Variants in ZFHX3 observed in about 807,000 individuals in gnomAD.
ZFHX3 encodes zinc finger homeobox protein 3.
In ZFHX3, 42 loss-of-function variants were observed where a neutral mutation model predicts 279.1. That is an observed-to-expected ratio of 0.15 (90% confidence interval 0.12 to 0.19). The LOEUF (loss-of-function observed/expected upper bound fraction) is 0.19, where lower values mean the gene tolerates loss of function less well. ZFHX3 is among the 10% of genes least tolerant of loss of function. ZFHX3 has a pLI of 1.00. For synonymous variants in ZFHX3, 2,293 were observed against 1,957.8 expected (o/e 1.17, Z -4.52); for missense variants, 4,981 against 4,754.0 (o/e 1.05, Z -1.40).
chr16:73,011,031 G>A (rs1963895089), intron 1 of ZFHX3, among the ~76,000 whole-genome samples: 1 of 152,090 alleles, frequency 6.6e-6, no homozygotes, highest in Non-Finnish European at 1.5e-5. Context: ...GGCTGGACTG[G>A]AGTACAGTGG....
intron 1 of ZFHX3, among the ~76,000 whole-genome samples, chr16:73,838,743 C>T (rs1193867797): frequency 2.7e-5 from 4 of 148,650 alleles, no homozygotes; most frequent in Non-Finnish European, 4.4e-5. Context: ...TGTGTGTGTG[C>T]GCACATGCGT....
Position 72,811,721 on chromosome 16 carries a change from C to T in ZFHX3, c.3720G>A (p.Val1240=), listed in dbSNP as rs1476712864. 3 of 1,613,968 alleles carry T rather than the reference C, an allele frequency of 1.9e-6. No individual in the cohort carries two copies. The highest frequency in any genetic ancestry group is 2.7e-5 in the African/African-American group (2 of 74,944). The change falls in exon 7 of 10, where the codon GTG becomes GTA. Residue 1240 remains valine, a synonymous_variant. Coordinates refer to ENST00000268489, the MANE Select transcript of ZFHX3 (RefSeq NM_006885.4). ...YSNADVNRLR[V]HAMTQHSVQP... is the part of the protein sequence containing the mutation. ...GCACCGAGTGCTGCGTCATGGCATG[C>T]ACCCGGAGCCGGTTGACATCGGCAT...
intron 5 of ZFHX3, among the ~76,000 whole-genome samples, chr16:73,155,747 C>G (rs1967063674): frequency 6.6e-6 from 1 of 151,966 alleles, no homozygotes; most frequent in South Asian, 2.1e-4. Flanking sequence ...CGCTTGAACC[C>G]AGGAGGCGGA....
chr16:73,606,312 A>G (rs539186430), intron 2 of ZFHX3, among the ~76,000 whole-genome samples: 2 of 150,906 alleles, frequency 1.3e-5, no homozygotes, highest in African/African-American at 4.9e-5. Flanking sequence ...GTCCGAGACC[A>G]GCCTAAAATA....
In ZFHX3 at chr16:73,354,376, C is replaced by A. The variant is rs376832790; in HGVS notation, c.-1290-36040G>T. On this transcript the variant is annotated intron_variant, in intron 3 of 17. Transcript: ENST00000641206. ...CAGATTCTCAGTGCATCTGTATAGA[C>A]GCCAACAGGATCCAAATTCTTAACT... 3.9e-5 allele frequency among the ~76,000 whole-genome samples: 6 copies of A among 152,268 alleles called. No homozygotes were observed. The South Asian group carries it at 1.2e-3, about 32-fold the overall frequency.
intron 1 of ZFHX3, among the ~76,000 whole-genome samples, chr16:73,006,457 C>G (rs183992629): frequency 6.6e-6 from 1 of 151,658 alleles, no homozygotes; most frequent in Non-Finnish European, 1.5e-5. Flanking sequence ...ACCCCAATCT[C>G]TATGAAAAAA....
intron 7 of ZFHX3, among the ~76,000 whole-genome samples, chr16:73,117,087 A>G (rs964935519): frequency 6.6e-6 from 1 of 152,228 alleles, no homozygotes; most frequent in African/African-American, 2.4e-5. Flanking sequence ...GCCTGAACTA[A>G]AGGTAGTGCT....
chr16:73,371,305 T>C (rs955558912), intron 3 of ZFHX3, among the ~76,000 whole-genome samples: 1 of 151,762 alleles, frequency 6.6e-6, no homozygotes, highest in African/African-American at 2.4e-5. Context: ...AGACTCCATC[T>C]CAAAACAAAA....
At chr16:73,712,647 G>A (rs2053374964) in intron 1 of ZFHX3, among the ~76,000 whole-genome samples, 1 of 152,126 alleles carries the variant, frequency 6.6e-6, no homozygotes, top group Non-Finnish European at 1.5e-5. Flanking sequence ...CTTCCTGAAG[G>A]ACTTGCCCTC....
chr16:73,754,872 A>G (rs1473283889), intron 1 of ZFHX3, among the ~76,000 whole-genome samples: 1 of 152,138 alleles, frequency 6.6e-6, no homozygotes, highest in Non-Finnish European at 1.5e-5. Flanking sequence ...GGCAAATTTC[A>G]CCGATTTCTC....
intron 3 of ZFHX3, among the ~76,000 whole-genome samples, chr16:73,452,118 C>G (rs956586559): frequency 6.6e-6 from 1 of 152,182 alleles, no homozygotes; most frequent in Non-Finnish European, 1.5e-5. Flanking sequence ...TTACAAAATT[C>G]AGTCACATTT....
intron 3 of ZFHX3, among the ~76,000 whole-genome samples, chr16:73,429,421 C>T (rs2017871234): frequency 1.3e-5 from 2 of 152,166 alleles, no homozygotes; most frequent in African/African-American, 4.8e-5. Context: ...CAACCTCCGC[C>T]TCCAGGGTTC....
intron 1 of ZFHX3, among the ~76,000 whole-genome samples, chr16:73,743,892 A>C (rs1367418974): frequency 1.3e-5 from 2 of 152,172 alleles, no homozygotes; most frequent in Non-Finnish European, 2.9e-5. Context: ...ATCTATGTGA[A>C]TGTGAATACA....
intron 1 of ZFHX3, chr16:73,015,521 T>C (rs1964071056): frequency 6.6e-6 from 1 of 152,238 alleles, no homozygotes; most frequent in African/African-American, 2.4e-5. Flanking sequence ...TTATTTTATC[T>C]AATAGGAGAC....
Position 72,811,729 on chromosome 16 carries a change from G to A in ZFHX3, c.3712C>T (p.Leu1238Phe). ...TGCTGCGTCATGGCATGCACCCGGA[G>A]CCGGTTGACATCGGCATTACTGTAC... The part of the protein sequence containing the change: ...CKYSNADVNR[L>F]RVHAMTQHSV... Residue 1238 changes from leucine (L) to phenylalanine (F), a missense_variant, in exon 7 of 10, where the codon CTC becomes TTC. Leu to Phe is a conservative substitution (Grantham distance 22). This residue lies in a region of ZFHX3 where 1,751 missense variants were observed against 1,770.0 expected (regional missense o/e 0.99). Transcript: ENST00000268489. 1 of 1,614,108 alleles carries A rather than the reference G, an allele frequency of 6.2e-7. No individual in the cohort carries two copies. Among genetic ancestry groups the A allele is most frequent in the Non-Finnish European group, 8.5e-7 (1 of 1,180,014 alleles).
chr16:73,640,823 A>T (rs1274553149), intron 2 of ZFHX3, among the ~76,000 whole-genome samples: 1 of 152,298 alleles, frequency 6.6e-6, no homozygotes, highest in East Asian at 1.9e-4. Flanking sequence ...AGACACAAAA[A>T]CTTCAGATTA....
At chr16:73,582,734 C>G (rs1340919658) in intron 2 of ZFHX3, among the ~76,000 whole-genome samples, 1 of 151,956 alleles carries the variant, frequency 6.6e-6, no homozygotes, top group African/African-American at 2.4e-5. Context: ...ACCTTGGCCT[C>G]TCAAAGTGCT....
chr16:73,858,565 T>A (rs1177947175), intron 1 of ZFHX3, among the ~76,000 whole-genome samples: 1 of 152,234 alleles, frequency 6.6e-6, no homozygotes, highest in Non-Finnish European at 1.5e-5. Flanking sequence ...TTGCCACACA[T>A]TGTCTCATCC....
At chr16:72,974,189 C>T (rs1327537415) in intron 1 of ZFHX3, among the ~76,000 whole-genome samples, 3 of 152,282 alleles carry the variant, frequency 2.0e-5, no homozygotes, top group Admixed American at 6.5e-5. Flanking sequence ...TTATTCACAT[C>T]GAATCTACCT....
Sources: allele counts gnomAD v4.1 joint callset (sites outside exome capture counted in the v4.1 genomes callset), GRCh38; gene constraint gnomAD v4.1.1; regional missense constraint gnomAD v4.1.1; transcripts MANE v1.5; gene names NCBI Gene and HGNC (gene_info 2026-07-23, HGNC 2026-07-21).